Variants in FGGY observed in about 807,000 individuals in gnomAD.
FGGY encodes the protein FGGY carbohydrate kinase domain-containing protein.
In FGGY, 72 loss-of-function variants were observed where a neutral mutation model predicts 71.3. The ratio of observed to expected loss-of-function variants is 1.01; its 90% CI spans 0.84 to 1.23. FGGY has a LOEUF of 1.23. Ranked by LOEUF, FGGY falls within the 50% of genes most tolerant of loss-of-function variation. The pLI is 0.00. For synonymous variants in FGGY, 251 were observed against 250.3 expected (o/e 1.00, Z -0.02); for missense variants, 668 against 682.3 (o/e 0.98, Z 0.23).
chr1:59,646,812 G>C (rs912994791), intron 11 of FGGY, among the ~76,000 whole-genome samples: 2 of 152,142 alleles, frequency 1.3e-5, no homozygotes, highest in African/African-American at 4.8e-5. Flanking sequence ...ACGGGAACCA[G>C]TCAATTCAAA....
intron 4 of FGGY, among the ~76,000 whole-genome samples, chr1:59,370,645 G>A (rs1179990260): frequency 2.0e-5 from 3 of 151,822 alleles, no homozygotes; most frequent in African/African-American, 7.3e-5. Context: ...AATGTTAAGG[G>A]CAGCCAGAGA....
intron 5 of FGGY, among the ~76,000 whole-genome samples, chr1:59,424,645 T>C (rs1286550527): frequency 2.0e-5 from 3 of 152,236 alleles, no homozygotes; most frequent in Non-Finnish European, 4.4e-5. Flanking sequence ...TTATTTTTCA[T>C]GTGTCGATTT....
intron 14 of FGGY, among the ~76,000 whole-genome samples, chr1:59,724,768 A>G (rs924780888): frequency 6.6e-6 from 1 of 152,154 alleles, no homozygotes; most frequent in Non-Finnish European, 1.5e-5. Flanking sequence ...TGTGCCATCT[A>G]TATATCTTCT....
intron 14 of FGGY, among the ~76,000 whole-genome samples, chr1:59,731,138 A>G (rs1163458024): frequency 1.3e-5 from 2 of 152,152 alleles, no homozygotes; most frequent in Non-Finnish European, 2.9e-5. Context: ...GATGATACCC[A>G]TGCTCTTTTG....
chr1:59,653,318 A>C (rs1020413401), intron 11 of FGGY, among the ~76,000 whole-genome samples: 2 of 152,228 alleles, frequency 1.3e-5, no homozygotes, highest in African/African-American at 4.8e-5. Context: ...TTACCTAAGC[A>C]AGCCTGGGCA....
In FGGY at chr1:59,578,506, C is replaced by T. The variant is rs557820313; in HGVS notation, c.903+24279C>T. 6.6e-4 allele frequency among the ~76,000 whole-genome samples: 101 copies of T among 152,176 alleles called. 1 individual carries two copies. Among genetic ancestry groups the T allele is most frequent in the Non-Finnish European group, 1.3e-3 (88 of 68,008 alleles). On this transcript the variant is annotated intron_variant, in intron 8 of 15. Coordinates refer to ENST00000303721, the MANE Select transcript of FGGY (RefSeq NM_018291.5). ...AAGTCCCCTTCTTGAAGTGTGTATA[C>T]GCTAAGCCTGAAATATACTGTAGCT...
intron 8 of FGGY, among the ~76,000 whole-genome samples, chr1:59,591,668 G>C (rs935728240): frequency 2.3e-4 from 35 of 152,160 alleles, no homozygotes; most frequent in Non-Finnish European, 4.6e-4. Context: ...TGACATACCT[G>C]AGAAAAACAA....
At chr1:59,363,118 C>A (rs1020905836) in intron 4 of FGGY, among the ~76,000 whole-genome samples, 1 of 152,136 alleles carries the variant, frequency 6.6e-6, no homozygotes, top group African/African-American at 2.4e-5. Context: ...TAGGAGTGTA[C>A]AAGAATGGGC....
At chr1:59,512,480 A>T (rs758355421) in intron 7 of FGGY, 41 bp downstream of exon 7, 1 of 1,600,320 alleles carries the variant, frequency 6.2e-7, no homozygotes, top group South Asian at 1.1e-5. Context: ...ACCGTATTCA[A>T]ATGGAATATT....
At chr1:59,429,525 G>A (rs924493939) in intron 5 of FGGY, among the ~76,000 whole-genome samples, 3 of 152,114 alleles carry the variant, frequency 2.0e-5, no homozygotes, top group African/African-American at 7.2e-5. Context: ...AGGGAATCTG[G>A]AATTTGCATT....
chr1:59,562,355 T>C (rs2095804971), intron 8 of FGGY, among the ~76,000 whole-genome samples: 1 of 152,212 alleles, frequency 6.6e-6, no homozygotes, highest in South Asian at 2.1e-4. Context: ...AAAATAATTA[T>C]GCTGAGTGAC....
At chr1:59,597,868 G>T (rs2096539265) in intron 8 of FGGY, among the ~76,000 whole-genome samples, 1 of 152,128 alleles carries the variant, frequency 6.6e-6, no homozygotes, top group African/African-American at 2.4e-5. Flanking sequence ...CCGTATTAGA[G>T]AACTAATTCA....
chr1:59,557,573 G>A (rs2095710381), intron 8 of FGGY, among the ~76,000 whole-genome samples: 4 of 152,328 alleles, frequency 2.6e-5, no homozygotes, highest in South Asian at 4.1e-4. Flanking sequence ...AGCATGGGCT[G>A]CACATTTATC....
chr1:59,460,955 A>G (rs537501883), intron 6 of FGGY, among the ~76,000 whole-genome samples: 5 of 152,328 alleles, frequency 3.3e-5, no homozygotes, highest in African/African-American at 1.2e-4. Flanking sequence ...AACTATAAAG[A>G]TGGAGAGAAA....
At chr1:59,373,892 C>T (rs1290574650) in intron 4 of FGGY, among the ~76,000 whole-genome samples, 1 of 152,184 alleles carries the variant, frequency 6.6e-6, no homozygotes, top group Non-Finnish European at 1.5e-5. Flanking sequence ...ACACCCTATA[C>T]AAAAATTAAT....
At chr1:59,533,608 T>C (rs1018177067) in intron 7 of FGGY, among the ~76,000 whole-genome samples, 5 of 152,186 alleles carry the variant, frequency 3.3e-5, no homozygotes, top group African/African-American at 1.2e-4. Context: ...TCTGACAGCT[T>C]TGAAGAGAGC....
intron 13 of FGGY, among the ~76,000 whole-genome samples, chr1:59,669,605 G>T (rs1441466272): frequency 1.4e-5 from 2 of 139,582 alleles, no homozygotes; most frequent in African/African-American, 5.5e-5. Context: ...ATGTTGGCCA[G>T]GCTGGTCTTG....
intron 5 of FGGY, among the ~76,000 whole-genome samples, chr1:59,409,041 C>A (rs561805671): frequency 1.3e-5 from 2 of 152,170 alleles, no homozygotes; most frequent in Admixed American, 6.5e-5. Context: ...AAATCTCCAT[C>A]CTCCCCCATC....
chr1:59,413,110 C>T (rs918841126), intron 5 of FGGY, among the ~76,000 whole-genome samples: 9 of 152,202 alleles, frequency 5.9e-5, no homozygotes, highest in African/African-American at 1.9e-4. Flanking sequence ...AGATTTCTAT[C>T]CTTAGCTCAG....
Sources: allele counts gnomAD v4.1 joint callset (sites outside exome capture counted in the v4.1 genomes callset), GRCh38; gene constraint gnomAD v4.1.1; transcripts MANE v1.5; gene names NCBI Gene and HGNC (gene_info 2026-07-23, HGNC 2026-07-21).